CAST: variants seen among roughly 807,000 people sequenced by gnomAD.
The protein encoded by CAST is calpastatin, also known as MIR583 host.
A neutral mutation model predicts 119.6 loss-of-function variants in CAST; 76 were observed. That is an observed-to-expected ratio of 0.64 (90% confidence interval 0.53 to 0.77). CAST has a LOEUF of 0.77. CAST is among the 30% of genes least tolerant of loss of function. The probability of loss-of-function intolerance (pLI) is 0.00; values close to 1 mark genes in which losing one functional copy is unlikely to be tolerated. For synonymous variants in CAST, 319 were observed against 331.6 expected (o/e 0.96, Z 0.41); for missense variants, 953 against 946.5 (o/e 1.01, Z -0.09).
chr5:96,537,941 T>C (rs1412856911), intron 1 of CAST, among the ~76,000 whole-genome samples: 1 of 152,218 alleles, frequency 6.6e-6, no homozygotes, highest in Admixed American at 6.5e-5. Flanking sequence ...ACTCCTCCCC[T>C]AAAATATCTC....
the CAST span, among the ~76,000 whole-genome samples, chr5:96,406,097 G>A: frequency 0.62 from 93,489 of 151,920 alleles, 29,113 homozygotes; most frequent in Middle Eastern, 0.66. Context: ...GATTACCTAT[G>A]CAGGCTGACA....
chr5:96,282,210 C>A, the CAST span, among the ~76,000 whole-genome samples: 19 of 152,226 alleles, frequency 1.2e-4, no homozygotes, highest in Admixed American at 9.2e-4. Context: ...ACAAAGGAGG[C>A]AGGGAAGCTG....
At chr5:96,022,983 A>C in the CAST span, among the ~76,000 whole-genome samples, 1 of 152,206 alleles carries the variant, frequency 6.6e-6, no homozygotes. Context: ...CACCTAGATT[A>C]GTGTTTGACT....
the CAST span, among the ~76,000 whole-genome samples, chr5:96,286,619 T>G: frequency 6.6e-6 from 1 of 152,190 alleles, no homozygotes; most frequent in Non-Finnish European, 1.5e-5. Flanking sequence ...CTAAGTTTTT[T>G]TCTCCAACAA....
At chr5:96,186,382 A>G in the CAST span, among the ~76,000 whole-genome samples, 2 of 152,228 alleles carry the variant, frequency 1.3e-5, no homozygotes, top group South Asian at 2.1e-4. Context: ...TTCCAATACT[A>G]CATTGGGTAG....
the CAST span, among the ~76,000 whole-genome samples, chr5:96,002,959 G>A: frequency 6.6e-6 from 1 of 152,136 alleles, no homozygotes; most frequent in Non-Finnish European, 1.5e-5. Context: ...ATTTTGACCA[G>A]GCACAGTAGC....
the CAST span, among the ~76,000 whole-genome samples, chr5:96,154,552 T>G: frequency 1.3e-5 from 2 of 152,192 alleles, no homozygotes; most frequent in African/African-American, 4.8e-5. Context: ...CTACACTATA[T>G]CAAATTTGCT....
the CAST span, among the ~76,000 whole-genome samples, chr5:96,489,723 G>C: frequency 6.6e-6 from 1 of 152,088 alleles, no homozygotes; most frequent in Non-Finnish European, 1.5e-5. Context: ...TGTTTGCTGA[G>C]AGGCTATAAA....
the CAST span, among the ~76,000 whole-genome samples, chr5:96,112,741 C>T: frequency 6.6e-6 from 1 of 152,082 alleles, no homozygotes; most frequent in Non-Finnish European, 1.5e-5. Context: ...CATAGCTTAG[C>T]CTAGCTATGA....
rs376293268 is a variant in CAST, at chr5:96,680,260, C to A, written c.138+4659C>A. Among the ~76,000 whole-genome samples, 438 of 144,874 alleles carry A rather than the reference C, an allele frequency of 3.0e-3. 3 individuals carry two copies. Among genetic ancestry groups the A allele is most frequent in the African/African-American group, 0.011 (426 of 39,448 alleles). ...GTCCCAGCTATTCGGGAGGCTGAGG[C>A]AGGAGAATTGCTTGAACCTGGGAGG... On this transcript the variant is annotated intron_variant, in intron 2 of 31. Transcript: ENST00000675179.
the CAST span, among the ~76,000 whole-genome samples, chr5:96,008,714 A>G: frequency 1.3e-5 from 2 of 152,252 alleles, no homozygotes; most frequent in African/African-American, 2.4e-5. Context: ...GAGAGATTGG[A>G]CCAAATCTTT....
At chr5:96,090,481 C>A in the CAST span, among the ~76,000 whole-genome samples, 14 of 152,122 alleles carry the variant, frequency 9.2e-5, no homozygotes, top group Admixed American at 5.2e-4. Flanking sequence ...TGGCTGTGAC[C>A]ATTAGGCCTC....
At chr5:96,433,708 A>G in the CAST span, among the ~76,000 whole-genome samples, 1 of 152,154 alleles carries the variant, frequency 6.6e-6, no homozygotes, top group Non-Finnish European at 1.5e-5. Flanking sequence ...CTAGGAGAGT[A>G]AGGAGAAGAA....
the CAST span, among the ~76,000 whole-genome samples, chr5:96,107,320 G>A: frequency 1.3e-4 from 20 of 152,068 alleles, no homozygotes; most frequent in Non-Finnish European, 2.4e-4. Flanking sequence ...TCCTAGTCTC[G>A]ATGGTCTTTA....
the CAST span, among the ~76,000 whole-genome samples, chr5:96,045,356 G>GAA: frequency 2.0e-5 from 2 of 102,012 alleles, no homozygotes; most frequent in African/African-American, 3.6e-5. Flanking sequence ...TCTGTCTCAA[G>GAA]AAAAAAAAAA....
At chr5:96,455,050 A>G in the CAST span, among the ~76,000 whole-genome samples, 1 of 152,358 alleles carries the variant, frequency 6.6e-6, no homozygotes, top group African/African-American at 2.4e-5. Context: ...GTCAATTAAA[A>G]TAAAGGTATT....
the CAST span, among the ~76,000 whole-genome samples, chr5:96,467,664 CT>C: frequency 6.6e-6 from 1 of 151,716 alleles, no homozygotes; most frequent in Non-Finnish European, 1.5e-5. Context: ...GTGATAGTAT[CT>C]TTTTAAAAAA....
At chr5:96,697,456 G>A (rs941035750) in intron 3 of CAST, among the ~76,000 whole-genome samples, 2 of 152,068 alleles carry the variant, frequency 1.3e-5, no homozygotes, top group Non-Finnish European at 1.5e-5. Context: ...AAGCTCTAAC[G>A]CTAAATACCA....
At chr5:96,426,002 C>T in the CAST span, 8 of 829,698 alleles carry the variant, frequency 9.6e-6, no homozygotes, top group African/African-American at 3.3e-5. Flanking sequence ...TAACTATCTC[C>T]AGTACCCTTC....
Sources: allele counts gnomAD v4.1 joint callset (sites outside exome capture counted in the v4.1 genomes callset), GRCh38; gene constraint gnomAD v4.1.1; transcripts MANE v1.5; gene names NCBI Gene and HGNC (gene_info 2026-07-23, HGNC 2026-07-21).